The following ATP5PB variants were observed in gnomAD, a reference collection of about 807,000 sequenced individuals.
ATP5PB encodes ATP synthase peripheral stalk-membrane subunit b.
A neutral mutation model predicts 34.5 loss-of-function variants in ATP5PB; 21 were observed. The observed-to-expected ratio is 0.61, with a 90% CI of 0.43 to 0.88. The LOEUF is 0.88. Ranked by LOEUF, ATP5PB falls within the 40% of genes least tolerant of loss-of-function variation. ATP5PB has a pLI of 0.00. For missense variants in ATP5PB, 293 were observed against 317.4 expected (o/e 0.92, Z 0.58); for synonymous variants, 108 against 114.1 (o/e 0.95, Z 0.34).
Position 111,459,645 on chromosome 1 carries a change from C to T in ATP5PB, c.693+9C>T. 1 of 1,612,478 alleles carries T rather than the reference C, an allele frequency of 6.2e-7. No individual in the cohort carries two copies. The highest frequency in any genetic ancestry group is 1.3e-5 in the African/African-American group (1 of 75,004). ...GCATCTCCACACAGCAGGTACACAA[C>T]ATTTTTGTAGGTTCTGATGTTGTAC... On this transcript the variant is annotated intron_variant, in intron 6 of 6. Transcript: ENST00000369722.
chr1:111,453,591 C>T (rs1653389770), intron 2 of ATP5PB, among the ~76,000 whole-genome samples: 1 of 152,068 alleles, frequency 6.6e-6, no homozygotes, highest in Non-Finnish European at 1.5e-5. Flanking sequence ...ATTAGAGCTA[C>T]CCAGTACTGA....
Position 111,456,671 on chromosome 1 carries a change from C to A in ATP5PB, c.429C>A (p.Ile143=). Residue 143 remains isoleucine, a synonymous_variant, in exon 5 of 7, where the codon ATC becomes ATA. Transcript: ENST00000369722. ...TAGAAGAGGCGAAGCAGGCTTCCAT[C>A]CAACACATCCAGAATGCAATTGATA... The part of the protein sequence containing the change: ...AQLEEAKQAS[I]QHIQNAIDTE... 6.2e-7 allele frequency: 1 copy of A among 1,613,646 alleles called. No homozygotes were observed. The highest frequency in any genetic ancestry group is 8.5e-7 in the Non-Finnish European group (1 of 1,179,858).
chr1:111,449,666 A>G (rs889341326), intron 1 of ATP5PB, 85 bp downstream of exon 1: 5 of 1,551,298 alleles, frequency 3.2e-6, no homozygotes, highest in Non-Finnish European at 4.4e-6. Flanking sequence ...AGAAGGGCGC[A>G]GCGACACGGG....
rs12568480 is a variant in ATP5PB at position 111,454,631 on chromosome 1, C to T, written c.223+275C>T. On this transcript the variant is annotated intron_variant, in intron 3 of 6. Transcript: ENST00000369722. ...TCATTTTTCTATTTTTTTGTAGAGA[C>T]GGGCTTTCACCATGTAGCCCAGGCT... Among the ~76,000 whole-genome samples the T allele has an allele frequency of 1.6e-3, 248 of 152,104 alleles. 1 individual carries two copies. The highest frequency in any genetic ancestry group is 0.012 in the East Asian group (60 of 5,180).
In ATP5PB at chr1:111,459,500, T is replaced by C; in HGVS notation, c.557T>C (p.Leu186Pro). 6.2e-7 allele frequency: 1 copy of C among 1,613,270 alleles called. No individual in the cohort carries two copies. The highest frequency in any genetic ancestry group is 8.5e-7 in the Non-Finnish European group (1 of 1,179,520). Residue 186 changes from leucine to proline, a missense_variant, in exon 6 of 7, where the codon CTG becomes CCG. Leu to Pro is a moderately conservative substitution (Grantham distance 98, BLOSUM62 -3). Coordinates refer to ENST00000369722, the MANE Select transcript of ATP5PB (RefSeq NM_001688.5). ...TTGGAAGTTACTTACCGGGAACGAC[T>C]GTATAGAGTATATAAGGAAGTAAAG... ...MALEVTYRERLYRVYKEVKNR... is the reference protein window; with the variant it reads ...MALEVTYRERPYRVYKEVKNR...
chr1:111,456,582 T>A, intron 4 of ATP5PB, 48 bp from the exon 5 acceptor site: 2 of 1,578,978 alleles, frequency 1.3e-6, no homozygotes, highest in Non-Finnish European at 1.7e-6. Context: ...CTCCTTTTTT[T>A]ACCCTTTGTG....
Position 111,460,906 on chromosome 1 carries a change from C to A in ATP5PB, c.694-11C>A, listed in dbSNP as rs1653602709. ...GAAAGGTCTAACCAGATTTCTCTTT[C>A]CTTATCACAGGAAAAGGAGACAATT... On this transcript the variant is annotated splice_polypyrimidine_tract_variant and intron_variant, in intron 6 of 6. Coordinates refer to ENST00000369722, the MANE Select transcript of ATP5PB (RefSeq NM_001688.5). 1 of 1,613,222 alleles carries A rather than the reference C, an allele frequency of 6.2e-7. No homozygotes were observed. Among genetic ancestry groups the A allele is most frequent in the Non-Finnish European group, 8.5e-7 (1 of 1,179,492 alleles).
At position 111,459,598 on chromosome 1, in the gene ATP5PB, G is replaced by T. The variant is rs1653563078; in HGVS notation, c.655G>T (p.Val219Leu). The change falls in exon 6 of 7, where the codon GTG becomes TTG. Residue 219 changes from valine to leucine, a missense_variant. Coordinates refer to ENST00000369722, the MANE Select transcript of ATP5PB (RefSeq NM_001688.5). ...RKEQEHMINW[V>L]EKHVVQSIST... Reference sequence around the variant, plus strand: ...GGAACAAGAACACATGATAAATTGGGTGGAGAAGCACGTGGTGCAAAGCAT... The same window carrying T: ...GGAACAAGAACACATGATAAATTGGTTGGAGAAGCACGTGGTGCAAAGCAT... 6.2e-7 allele frequency: 1 copy of T among 1,613,798 alleles called. No individual in the cohort carries two copies. Among genetic ancestry groups the T allele is most frequent in the South Asian group, 1.1e-5 (1 of 91,068 alleles).
intron 1 of ATP5PB, 99 bp downstream of exon 1, chr1:111,449,680 G>T (rs1369960673): frequency 1.7e-5 from 27 of 1,546,962 alleles, no homozygotes; most frequent in Non-Finnish European, 2.4e-5. Flanking sequence ...ACACGGGCCT[G>T]AGAGGCGAGT....
chr1:111,459,677 C>T (rs753834398), intron 6 of ATP5PB, 41 bp downstream of exon 6: 3 of 1,586,642 alleles, frequency 1.9e-6, no homozygotes, highest in Non-Finnish European at 2.6e-6. Context: ...GTACTGGTAT[C>T]TCTTAACAAG....
rs11102277 is a variant in ATP5PB, at chr1:111,452,334, G to A, written c.78-1877G>A. Among the ~76,000 whole-genome samples, 502 of 152,200 alleles carry A rather than the reference G, an allele frequency of 3.3e-3. 3 individuals carry two copies. Among genetic ancestry groups the A allele is most frequent in the African/African-American group, 0.012 (483 of 41,526 alleles). ...TGTAATTTCAGCACTTTGGGAGGCC[G>A]AGACGGCAGATCACAGTAGTTTGAG... On this transcript the variant is annotated intron_variant, in intron 2 of 6. Transcript: ENST00000369722.
intron 5 of ATP5PB, among the ~76,000 whole-genome samples, chr1:111,457,678 TAG>T (rs1273479290): frequency 6.6e-6 from 1 of 152,200 alleles, no homozygotes; most frequent in Non-Finnish European, 1.5e-5. Context: ...CCACATGGAT[TAG>T]AGTTATCTTT....
intron 3 of ATP5PB, 135 bp downstream of exon 3, chr1:111,454,491 C>G (rs1653415631): frequency 2.6e-6 from 3 of 1,166,676 alleles, no homozygotes; most frequent in Non-Finnish European, 3.5e-6. Context: ...GGGTATTACT[C>G]TATCACCCAG....
intron 2 of ATP5PB, 59 bp downstream of exon 2, chr1:111,449,932 T>G: frequency 3.1e-6 from 5 of 1,605,544 alleles, no homozygotes; most frequent in Non-Finnish European, 4.3e-6. Flanking sequence ...TATTTCCCGA[T>G]TCCTGCCCCC....
chr1:111,460,905 TCCTTATCAC>T lies in ATP5PB; in HGVS notation c.694-11_694-3del, dbSNP rs770191180. ...GGAAAGGTCTAACCAGATTTCTCTTTCCTTATCACAGGAAAAGGAGACAATTGCCAAGTG... is the reference window on the plus strand; with the variant it reads ...GGAAAGGTCTAACCAGATTTCTCTTTAGGAAAAGGAGACAATTGCCAAGTG... On this transcript the variant is annotated splice_polypyrimidine_tract_variant and splice_region_variant and intron_variant, in intron 6 of 6. Transcript: ENST00000369722. 3 of 1,613,450 alleles carry T rather than the reference TCCTTATCAC, an allele frequency of 1.9e-6. No homozygotes were observed. Among genetic ancestry groups the T allele is most frequent in the Non-Finnish European group, 8.5e-7 (1 of 1,179,512 alleles).
rs141764229 is a variant in ATP5PB, at chr1:111,452,373, A to C, written c.78-1838A>C. Reference sequence around the variant, plus strand: ...CAGTAGTTTGAGACCAGCCTGGCCAACATGGCAAAACCCCGTCTCTCCTAA... The same window carrying C: ...CAGTAGTTTGAGACCAGCCTGGCCACCATGGCAAAACCCCGTCTCTCCTAA... On this transcript the variant is annotated intron_variant, in intron 2 of 6. Transcript: ENST00000369722. Among the ~76,000 whole-genome samples the C allele has an allele frequency of 5.4e-5, 8 of 147,292 alleles. No homozygotes were observed. The East Asian group carries it at 1.6e-3, about 30-fold the overall frequency.
chr1:111,454,438 TTTGTTGTTGTTGTTG>T (rs571310902), intron 3 of ATP5PB, 82 bp downstream of exon 3: 28 of 1,454,806 alleles, frequency 1.9e-5, no homozygotes, highest in Non-Finnish European at 2.4e-5. Context: ...TTCTTTGGTT[TTTGTTGTTGTTGTTG>T]TTGTTGTTGT....
Position 111,457,041 on chromosome 1 carries a change from A to T in ATP5PB, c.513+286A>T, listed in dbSNP as rs544640827. On this transcript the variant is annotated intron_variant, in intron 5 of 6. Transcript: ENST00000369722. ...AAGTTAAAGCTGATTTAAAAATGGC[A>T]TGCACTGTGTAAGGAAGACTAGGTA... Among the ~76,000 whole-genome samples the T allele has an allele frequency of 1.6e-3, 239 of 152,344 alleles. 1 individual carries two copies. Among genetic ancestry groups the T allele is most frequent in the Non-Finnish European group, 1.9e-3 (128 of 68,032 alleles).
chr1:111,460,432 C>A (rs1653587004), intron 6 of ATP5PB, among the ~76,000 whole-genome samples: 1 of 142,222 alleles, frequency 7.0e-6, no homozygotes, highest in Non-Finnish European at 1.5e-5. Context: ...CAGTGTCTAT[C>A]AAAGTTTTTT....
Sources: gnomAD v4.1 joint callset for allele counts (sites outside exome capture counted in the v4.1 genomes callset) on GRCh38, gnomAD v4.1.1 for gene constraint, MANE v1.5 for transcripts, NCBI Gene and HGNC (gene_info 2026-07-23, HGNC 2026-07-21) for gene names.